Variants in CXCL11 observed in about 807,000 individuals in gnomAD.
CXCL11 encodes C-X-C motif chemokine 11.
CXCL11 carries 7 observed loss-of-function variants against 9.7 expected under a neutral mutation model. That is an observed-to-expected ratio of 0.72 (90% CI 0.41 to 1.36). The LOEUF (loss-of-function observed/expected upper bound fraction) is 1.36, where lower values mean the gene tolerates loss of function less well. Among genes scored for constraint, CXCL11 ranks in the 40% most tolerant of loss-of-function variants. CXCL11 has a pLI of 0.01. For missense variants in CXCL11, 107 were observed against 113.4 expected (o/e 0.94, Z 0.26); for synonymous variants, 35 against 34.4 (o/e 1.02, Z -0.06).
In CXCL11 at chr4:76,034,804, T is replaced by G. The variant is rs537293787; in HGVS notation, c.274A>C (p.Lys92Gln). Reference sequence around the variant, plus strand: ...ATGTTTTGATATTTTTAAAAATTCTTTCTTTCAACTTTCTGGAATAAGAAA... The same window carrying G: ...ATGTTTTGATATTTTTAAAAATTCTGTCTTTCAACTTTCTGGAATAAGAAA... ...ARLIIKKVER[K>Q]NF Residue 92 changes from lysine to glutamine, a missense_variant, in exon 4 of 4, where the codon AAG (lysine) becomes CAG (glutamine). Physicochemically the swap from Lys to Gln is moderately conservative, Grantham distance 53. Coordinates refer to ENST00000306621, the MANE Select transcript of CXCL11 (RefSeq NM_005409.5). The G allele has an allele frequency of 4.5e-6, 7 of 1,552,928 alleles. No homozygotes were observed. The highest frequency in any genetic ancestry group is 6.2e-6 in the Non-Finnish European group (7 of 1,128,866).
At chr4:76,035,382 T>C (rs1195480271) in intron 1 of CXCL11, 40 bp from the exon 2 acceptor site, 1 of 1,600,830 alleles carries the variant, frequency 6.2e-7, no homozygotes, top group South Asian at 1.1e-5. Flanking sequence ...TGCATCTGAT[T>C]GCAACAGATG....
At position 76,034,115 on chromosome 4, in the gene CXCL11, C is replaced by T. The variant is rs758617912; in HGVS notation, c.*678G>A. The T allele has an allele frequency of 4.4e-6, 1 of 225,160 alleles. No individual in the cohort carries two copies. The highest frequency in any genetic ancestry group is 8.5e-6 in the Non-Finnish European group (1 of 117,202). 13.9% of individuals were successfully genotyped at this position (225,160 alleles called of 1,614,324 possible). A position where few individuals can be genotyped will look rare whatever the true frequency, so the allele number is the denominator to read the frequency against. ...ATAGCGTATAATTTTTTTCATAGTA[C>T]ATTTTATGAATTACATTTAATGAAT... is the stretch of plus-strand genomic sequence containing the variant. On this transcript the variant is annotated 3_prime_UTR_variant, in exon 4 of 4. Transcript: ENST00000306621.
At chr4:76,035,612 A>C (rs866478604) in intron 1 of CXCL11, among the ~76,000 whole-genome samples, 2 of 152,212 alleles carry the variant, frequency 1.3e-5, no homozygotes, top group Non-Finnish European at 2.9e-5. Flanking sequence ...TTTATCCTCA[A>C]ATATTTTCCC....
In CXCL11 at chr4:76,035,136, C is replaced by G. The variant is rs199822904; in HGVS notation, c.189-17G>C. The G allele has an allele frequency of 9.4e-5, 151 of 1,613,032 alleles. No individual in the cohort carries two copies. Among genetic ancestry groups the G allele is most frequent in the Non-Finnish European group, 1.2e-4 (141 of 1,179,510 alleles). On this transcript the variant is annotated splice_polypyrimidine_tract_variant and intron_variant, in intron 2 of 3. Coordinates refer to ENST00000306621, the MANE Select transcript of CXCL11 (RefSeq NM_005409.5). ...AGGGTAATACTGTTAAAAGAACATA[C>G]AAGAGTCTTAAAGTTTAGATGCAAA...
chr4:76,034,917 G>A, intron 3 of CXCL11, 101 bp from the exon 4 acceptor site: 1 of 1,343,224 alleles, frequency 7.4e-7, no homozygotes, highest in East Asian at 2.3e-5. Context: ...TACAACCAAG[G>A]ACCCCTTAAC....
At position 76,034,705 on chromosome 4, in the gene CXCL11, A is replaced by C; in HGVS notation, c.*88T>G. 47 of 952,042 alleles carry C rather than the reference A, an allele frequency of 4.9e-5. No homozygotes were observed. Among genetic ancestry groups the C allele is most frequent in the Non-Finnish European group, 6.7e-5 (41 of 610,704 alleles). The allele number at this position is 952,042 out of a possible 1,614,324, so 59.0% of individuals were successfully genotyped here. A position where few individuals can be genotyped will look rare whatever the true frequency, so the allele number is the denominator to read the frequency against. ...TAGAAAAGTCTCAGTTTCCTACTGT[A>C]GAATTCTTGTCATTTCAGTAGTCAC... On this transcript the variant is annotated 3_prime_UTR_variant, in exon 4 of 4. Coordinates refer to ENST00000306621, the MANE Select transcript of CXCL11 (RefSeq NM_005409.5).
rs965335685 is a variant in CXCL11 at position 76,035,235 on chromosome 4, A to G, written c.169T>C (p.Cys57Arg). 1.2e-6 allele frequency: 2 copies of G among 1,614,012 alleles called. No individual in the cohort carries two copies. Among genetic ancestry groups the G allele is most frequent in the South Asian group, 1.1e-5 (1 of 91,086 alleles). The change falls in exon 2 of 4, where the codon TGT (cysteine) becomes CGT (arginine). Residue 57 changes from cysteine to arginine, a missense_variant. Physicochemically the swap from Cys to Arg is radical, Grantham distance 180. Coordinates refer to ENST00000306621, the MANE Select transcript of CXCL11 (RefSeq NM_005409.5). ...KASIMYPSNN[C>R]DKIEVIITLK... ...ACTTACATCACTTCTATTTTGTCAC[A>G]GTTGTTACTTGGGTACATTATGGAG...
At position 76,035,948 on chromosome 4, in the gene CXCL11, A is replaced by G. The variant is rs770143382; in HGVS notation, c.40T>C (p.Leu14=). 2 of 1,613,750 alleles carry G rather than the reference A, an allele frequency of 1.2e-6. No individual in the cohort carries two copies. Among genetic ancestry groups the G allele is most frequent in the African/African-American group, 1.3e-5 (1 of 74,932 alleles). Residue 14 remains leucine, a synonymous_variant, in exon 1 of 4, where the codon TTG becomes CTG. Transcript: ENST00000306621. ...KGMAIALAVI[L]CATVVQGFPM... ...ATACCTTGAACAACTGTAGCACACA[A>G]TATCACAGCCAAGGCTATAGCCATG...
At chr4:76,035,149 G>A (rs2149406249) in intron 2 of CXCL11, 30 bp from the exon 3 acceptor site, 1 of 1,612,916 alleles carries the variant, frequency 6.2e-7, no homozygotes, top group Non-Finnish European at 8.5e-7. Flanking sequence ...GAGTCTTAAA[G>A]TTTAGATGCA....
In CXCL11 at chr4:76,034,197, T is replaced by C. The variant is rs1380050386; in HGVS notation, c.*596A>G. 1.1e-5 allele frequency: 4 copies of C among 368,306 alleles called. No homozygotes were observed. Among genetic ancestry groups the C allele is most frequent in the African/African-American group, 6.2e-5 (3 of 48,078 alleles). The allele number at this position is 368,306 out of a possible 1,614,324, so 22.8% of individuals were successfully genotyped here. A position where few individuals can be genotyped will look rare whatever the true frequency, so the allele number is the denominator to read the frequency against. On this transcript the variant is annotated 3_prime_UTR_variant, in exon 4 of 4. Transcript: ENST00000306621. ...AATGTCTCCCTACATATTGATGTGC[T>C]ACATGATGTTTGGGGAAAGAAGTGT...
At position 76,036,030 on chromosome 4, in the gene CXCL11, C is replaced by G. The variant is rs1201361467; in HGVS notation, c.-43G>C. On this transcript the variant is annotated 5_prime_UTR_variant, in exon 1 of 4. Coordinates refer to ENST00000306621, the MANE Select transcript of CXCL11 (RefSeq NM_005409.5). Reference sequence around the variant, plus strand: ...GCTGCTGGTGCTGCTGCTGCTACTTCAGCTTTGCTGCTCTTCTTGGAAGGA... The same window carrying G: ...GCTGCTGGTGCTGCTGCTGCTACTTGAGCTTTGCTGCTCTTCTTGGAAGGA... 1.9e-6 allele frequency: 3 copies of G among 1,586,512 alleles called. No individual in the cohort carries two copies. The highest frequency in any genetic ancestry group is 2.6e-6 in the Non-Finnish European group (3 of 1,156,684).
chr4:76,035,961 G>C lies in CXCL11; in HGVS notation c.27C>G (p.Ala9=), dbSNP rs201865900. The C allele has an allele frequency of 1.2e-6, 2 of 1,613,818 alleles. No homozygotes were observed. Among genetic ancestry groups the C allele is most frequent in the East Asian group, 2.2e-5 (1 of 44,860 alleles). Residue 9 remains alanine (A), a synonymous_variant, in exon 1 of 4, where the codon GCC becomes GCG. Transcript: ENST00000306621. MSVKGMAI[A]LAVILCATVV... ...CTGTAGCACACAATATCACAGCCAA[G>C]GCTATAGCCATGCCCTTCACACTCA...
intron 3 of CXCL11, 73 bp downstream of exon 3, chr4:76,034,974 A>G (rs1734220294): frequency 2.1e-6 from 3 of 1,453,252 alleles, no homozygotes; most frequent in South Asian, 2.3e-5. Flanking sequence ...GTAGTTGTCC[A>G]CATTATTTTC....
Position 76,035,243 on chromosome 4 carries a change from C to G in CXCL11, c.161G>C (p.Ser54Thr), listed in dbSNP as rs1347308542. Residue 54 changes from serine (S) to threonine (T), a missense_variant, in exon 2 of 4, where the codon AGT (serine) becomes ACT (threonine). Physicochemically the swap from Ser to Thr is moderately conservative, Grantham distance 58. Coordinates refer to ENST00000306621, the MANE Select transcript of CXCL11 (RefSeq NM_005409.5). ...DIEKASIMYPSNNCDKIEVII... is the reference protein window; with the variant it reads ...DIEKASIMYPTNNCDKIEVII... ...CACTTCTATTTTGTCACAGTTGTTA[C>G]TTGGGTACATTATGGAGGCTTTCTC... The G allele has an allele frequency of 1.9e-6, 3 of 1,614,076 alleles. No individual in the cohort carries two copies. Among genetic ancestry groups the G allele is most frequent in the Non-Finnish European group, 2.5e-6 (3 of 1,179,948 alleles).
In CXCL11 at chr4:76,036,008, G is replaced by A; in HGVS notation, c.-21C>T. 1 of 1,609,444 alleles carries A rather than the reference G, an allele frequency of 6.2e-7. No homozygotes were observed. ...CTCATGTTTGTTTTTTGCTGTTGCT[G>A]CTGGTGCTGCTGCTGCTACTTCAGC... On this transcript the variant is annotated 5_prime_UTR_variant, in exon 1 of 4. Coordinates refer to ENST00000306621, the MANE Select transcript of CXCL11 (RefSeq NM_005409.5).
rs755999293 is a variant in CXCL11 at position 76,035,919 on chromosome 4, C to T, written c.61+8G>A. The T allele has an allele frequency of 8.7e-6, 14 of 1,611,374 alleles. No homozygotes were observed. The highest frequency in any genetic ancestry group is 5.0e-5 in the Admixed American group (3 of 59,670). ...CTTATAGGTTGAGAAATAAAAATTA[C>T]TGCATACCTTGAACAACTGTAGCAC... On this transcript the variant is annotated splice_region_variant and intron_variant, in intron 1 of 3. Coordinates refer to ENST00000306621, the MANE Select transcript of CXCL11 (RefSeq NM_005409.5).
chr4:76,035,009 A>C (rs1227596144), intron 3 of CXCL11, 38 bp downstream of exon 3: 9 of 1,551,960 alleles, frequency 5.8e-6, no homozygotes, highest in African/African-American at 1.4e-5. Context: ...TGTCTTGGAT[A>C]AAACAGATTA....
chr4:76,035,744 G>T (rs1399978924), intron 1 of CXCL11, among the ~76,000 whole-genome samples, 183 bp downstream of exon 1: 1 of 152,188 alleles, frequency 6.6e-6, no homozygotes, highest in Non-Finnish European at 1.5e-5. Context: ...ATAATTTCTA[G>T]TTTCAATAAT....
rs1734364891 is a variant in CXCL11 at position 76,035,999 on chromosome 4, G to A, written c.-12C>T. On this transcript the variant is annotated 5_prime_UTR_variant, in exon 1 of 4. Transcript: ENST00000306621. ...CCCTTCACACTCATGTTTGTTTTTT[G>A]CTGTTGCTGCTGGTGCTGCTGCTGC... 1.2e-6 allele frequency: 2 copies of A among 1,612,730 alleles called. No homozygotes were observed. Among genetic ancestry groups the A allele is most frequent in the African/African-American group, 2.7e-5 (2 of 74,862 alleles).
Sources: gnomAD v4.1 joint callset for allele counts (sites outside exome capture counted in the v4.1 genomes callset) on GRCh38, gnomAD v4.1.1 for gene constraint, MANE v1.5 for transcripts, NCBI Gene and HGNC (gene_info 2026-07-23, HGNC 2026-07-21) for gene names.